AGPAT4: variants seen among roughly 807,000 people sequenced by gnomAD.
AGPAT4 encodes 1-acylglycerol-3-phosphate O-acyltransferase 4, also known as 1-acyl-sn-glycerol-3-phosphate acyltransferase delta.
Under a neutral mutation model 48.0 loss-of-function variants are expected in AGPAT4, and 15 were observed. The observed-to-expected ratio is 0.31, with a 90% confidence interval of 0.21 to 0.48. AGPAT4 has a LOEUF of 0.48. Ranked by LOEUF, AGPAT4 falls within the 20% of genes least tolerant of loss-of-function variation. The pLI, the probability that AGPAT4 is intolerant of heterozygous loss-of-function variation, is 0.99. For missense variants in AGPAT4, 314 were observed against 482.5 expected (o/e 0.65, Z 3.27); for synonymous variants, 178 against 198.7 (o/e 0.90, Z 0.88).
Position 161,232,671 on chromosome 6 carries a change from C to A in AGPAT4, c.-89-369G>T, listed in dbSNP as rs1386957419. Reference sequence around the variant, plus strand: ...GAGTGACGGCTGCCCACAGGACAGGCCGCAAATCCGGCCTCCCCTCCTGCT... The same window carrying A: ...GAGTGACGGCTGCCCACAGGACAGGACGCAAATCCGGCCTCCCCTCCTGCT... On this transcript the variant is annotated intron_variant, in intron 1 of 8. Coordinates refer to ENST00000320285, the MANE Select transcript of AGPAT4 (RefSeq NM_020133.3). This position sits in a 1 kb window ranked among gnomAD's most constrained non-coding sequence, Gnocchi z 6.8. Among the ~76,000 whole-genome samples, 3 of 152,186 alleles carry A rather than the reference C, an allele frequency of 2.0e-5. No homozygotes were observed. The highest frequency in any genetic ancestry group is 4.4e-5 in the Non-Finnish European group (3 of 68,014).
At chr6:161,248,594 A>AAAAAC (rs59741511) in intron 1 of AGPAT4, among the ~76,000 whole-genome samples, 9 of 138,612 alleles carry the variant, frequency 6.5e-5, no homozygotes, top group African/African-American at 2.3e-4. Flanking sequence ...AAAAAAAAAA[A>AAAAAC]CTAGGAATAC....
rs761291733 is a variant in AGPAT4 at position 161,139,636 on chromosome 6, G to C, written c.844-16C>G. The C allele has an allele frequency of 6.9e-6, 11 of 1,587,088 alleles. No individual in the cohort carries two copies. The highest frequency in any genetic ancestry group is 9.5e-6 in the Non-Finnish European group (11 of 1,161,838). ...GAAAGGCATCCTGGGGGACAGGAAA[G>C]AGGACCCTCAGACGCCACACGGGGC... On this transcript the variant is annotated splice_polypyrimidine_tract_variant and intron_variant, in intron 7 of 8. Transcript: ENST00000320285. This position sits in a 1 kb window ranked among gnomAD's most constrained non-coding sequence, Gnocchi z 9.1.
chr6:161,146,672 C>T lies in AGPAT4; in HGVS notation c.768-73G>A. ...CAACATACAGTTTCCAGTAACGGTG[C>T]TGCCGTTTTTTGTTTTTATCTGGGT... On this transcript the variant is annotated intron_variant, in intron 6 of 8. Coordinates refer to ENST00000320285, the MANE Select transcript of AGPAT4 (RefSeq NM_020133.3). This position sits in a 1 kb window ranked among gnomAD's most constrained non-coding sequence, Gnocchi z 7.1. 1 of 1,463,566 alleles carries T rather than the reference C, an allele frequency of 6.8e-7. No individual in the cohort carries two copies. The highest frequency in any genetic ancestry group is 9.5e-7 in the Non-Finnish European group (1 of 1,049,494). The allele number at this position is 1,463,566 out of a possible 1,614,324, so 90.7% of individuals were successfully genotyped here.
At position 161,140,671 on chromosome 6, in the gene AGPAT4, G is replaced by A. The variant is rs1039915126; in HGVS notation, c.844-1051C>T. On this transcript the variant is annotated intron_variant, in intron 7 of 8. Coordinates refer to ENST00000320285, the MANE Select transcript of AGPAT4 (RefSeq NM_020133.3). The surrounding 1 kb of genome is among the most constrained non-coding windows in gnomAD (Gnocchi z 6.5). Reference sequence around the variant, plus strand: ...GAGCTGAGCTGAGCCAGGACCTGGGGGGAACAAGGAGCTGTGGCACCAGGA... The same window carrying A: ...GAGCTGAGCTGAGCCAGGACCTGGGAGGAACAAGGAGCTGTGGCACCAGGA... Among the ~76,000 whole-genome samples, 3 of 152,326 alleles carry A rather than the reference G, an allele frequency of 2.0e-5. No individual in the cohort carries two copies. In the East Asian group the frequency reaches 5.8e-4, roughly 29 times the overall value.
rs1241061748 is a variant in AGPAT4, at chr6:161,140,787, C to G, written c.844-1167G>C. 6.6e-6 allele frequency among the ~76,000 whole-genome samples: 1 copy of G among 152,202 alleles called. No individual in the cohort carries two copies. Among genetic ancestry groups the G allele is most frequent in the African/African-American group, 2.4e-5 (1 of 41,450 alleles). On this transcript the variant is annotated intron_variant, in intron 7 of 8. Transcript: ENST00000320285. This position sits in a 1 kb window ranked among gnomAD's most constrained non-coding sequence, Gnocchi z 6.5. ...AGGGAGCAGAGCTGAACCAGGCAGCCACAGGGAATTGCCCAGGTTGTATGG... is the reference window on the plus strand; with the variant it reads ...AGGGAGCAGAGCTGAACCAGGCAGCGACAGGGAATTGCCCAGGTTGTATGG...
In AGPAT4 at chr6:161,135,379, T is replaced by A. The variant is rs56073227; in HGVS notation, c.*1161A>T. The A allele has an allele frequency of 0.15, 23,469 of 152,288 alleles. 2,354 individuals are homozygous for A. Among genetic ancestry groups the A allele is most frequent in the Admixed American group, 0.3 (4,518 of 15,292 alleles). The allele number at this position is 152,288 out of a possible 1,614,324, so 9.4% of individuals were successfully genotyped here. A position where few individuals can be genotyped will look rare whatever the true frequency, so the allele number is the denominator to read the frequency against. On this transcript the variant is annotated 3_prime_UTR_variant, in exon 9 of 9. Coordinates refer to ENST00000320285, the MANE Select transcript of AGPAT4 (RefSeq NM_020133.3). ...AGCACTGCTTTTAGTTTCTTCTTCT[T>A]TTGCATTTTTGGCACCTGTTGGCTG...
Position 161,222,881 on chromosome 6 carries a change from G to A in AGPAT4, c.178+9155C>T, listed in dbSNP as rs1041207726. 1.3e-5 allele frequency among the ~76,000 whole-genome samples: 2 copies of A among 152,082 alleles called. No homozygotes were observed. The highest frequency in any genetic ancestry group is 2.4e-5 in the African/African-American group (1 of 41,402). ...GACATTTGATAGGTCCATCTCCTTC[G>A]GGTGCCTGGCTGCCTGAATAAACCC... On this transcript the variant is annotated intron_variant, in intron 2 of 8. Coordinates refer to ENST00000320285, the MANE Select transcript of AGPAT4 (RefSeq NM_020133.3). This position sits in a 1 kb window ranked among gnomAD's most constrained non-coding sequence, Gnocchi z 5.9.
At chr6:161,241,093 T>C (rs1049717807) in intron 1 of AGPAT4, among the ~76,000 whole-genome samples, 1 of 151,628 alleles carries the variant, frequency 6.6e-6, no homozygotes, top group Non-Finnish European at 1.5e-5. Flanking sequence ...GAAACCCCCA[T>C]CTCTACTAAA....
chr6:161,167,461 C>A (rs1780135937), intron 2 of AGPAT4, among the ~76,000 whole-genome samples: 1 of 152,106 alleles, frequency 6.6e-6, no homozygotes, highest in Non-Finnish European at 1.5e-5. Context: ...TGGGTTCAAG[C>A]AATCCTCCTA....
chr6:161,272,000 A>G (rs1257984334), intron 1 of AGPAT4, among the ~76,000 whole-genome samples: 1 of 152,166 alleles, frequency 6.6e-6, no homozygotes, highest in Non-Finnish European at 1.5e-5. Context: ...TTTCAAAATG[A>G]GTGTCATATT....
At position 161,238,444 on chromosome 6, in the gene AGPAT4, A is replaced by C. The variant is rs1218311521; in HGVS notation, c.-89-6142T>G. On this transcript the variant is annotated intron_variant, in intron 1 of 8. Coordinates refer to ENST00000320285, the MANE Select transcript of AGPAT4 (RefSeq NM_020133.3). The surrounding 1 kb of genome is among the most constrained non-coding windows in gnomAD (Gnocchi z 5.2). ...AAGCCAATGAGATGGTCGTCAACTC[A>C]GTTTTCCTTCTCTACCTATCTAGAT... Among the ~76,000 whole-genome samples, 1 of 152,220 alleles carries C rather than the reference A, an allele frequency of 6.6e-6. No homozygotes were observed. Among genetic ancestry groups the C allele is most frequent in the Admixed American group, 6.5e-5 (1 of 15,284 alleles).
rs2115019318 is a variant in AGPAT4 at position 161,212,205 on chromosome 6, T to C, written c.178+19831A>G. Among the ~76,000 whole-genome samples the C allele has an allele frequency of 6.6e-6, 1 of 152,292 alleles. No individual in the cohort carries two copies. The highest frequency in any genetic ancestry group is 1.5e-5 in the Non-Finnish European group (1 of 68,004). Reference sequence around the variant, plus strand: ...AAAATTTTATAGATTGTTTACAAAATTTTGAAAAACAAATTTAAATGACTT... The same window carrying C: ...AAAATTTTATAGATTGTTTACAAAACTTTGAAAAACAAATTTAAATGACTT... On this transcript the variant is annotated intron_variant, in intron 2 of 8. Coordinates refer to ENST00000320285, the MANE Select transcript of AGPAT4 (RefSeq NM_020133.3). The surrounding 1 kb of genome is among the most constrained non-coding windows in gnomAD (Gnocchi z 6.1).
chr6:161,158,897 TCAGGGGCTGAGG>T lies in AGPAT4; in HGVS notation c.349-4599_349-4588del, dbSNP rs1333343209. Among the ~76,000 whole-genome samples the T allele has an allele frequency of 3.3e-5, 5 of 152,226 alleles. No individual in the cohort carries two copies. The highest frequency in any genetic ancestry group is 7.4e-5 in the Non-Finnish European group (5 of 67,996). On this transcript the variant is annotated intron_variant, in intron 3 of 8. Transcript: ENST00000320285. This position sits in a 1 kb window ranked among gnomAD's most constrained non-coding sequence, Gnocchi z 5.3. Reference sequence around the variant, plus strand: ...CCCACTAACACCAGCAAGGAACCCCTCAGGGGCTGAGGCTCTATGGCCAGCTTTGTTTGCAAA... The same window carrying T: ...CCCACTAACACCAGCAAGGAACCCCTCTCTATGGCCAGCTTTGTTTGCAAA...
In AGPAT4 at chr6:161,232,161, CAGA is replaced by C; in HGVS notation, c.50_52del (p.Phe17del). On this transcript the variant is annotated inframe_deletion, in exon 2 of 9. Coordinates refer to ENST00000320285, the MANE Select transcript of AGPAT4 (RefSeq NM_020133.3). The surrounding 1 kb of genome is among the most constrained non-coding windows in gnomAD (Gnocchi z 6.8). ...TAGCCCTGAGGCAATAAAGACGTAG[CAGA>C]AGACCAGGTGGCACAGGAACTGAGA... 6.8e-6 allele frequency: 11 copies of C among 1,614,124 alleles called. No individual in the cohort carries two copies. The highest frequency in any genetic ancestry group is 9.3e-6 in the Non-Finnish European group (11 of 1,180,036).
At chr6:161,239,615 T>TG (rs781086411) in intron 1 of AGPAT4, among the ~76,000 whole-genome samples, 4 of 152,338 alleles carry the variant, frequency 2.6e-5, no homozygotes, top group Non-Finnish European at 5.9e-5. Context: ...TCCTGCCCAC[T>TG]TTAGCATTGT....
chr6:161,260,859 G>A (rs535093516), intron 1 of AGPAT4, among the ~76,000 whole-genome samples: 56 of 151,872 alleles, frequency 3.7e-4, no homozygotes, highest in Non-Finnish European at 7.2e-4. Context: ...ACTGCATTCC[G>A]GCCTGGGTGA....
intron 3 of AGPAT4, among the ~76,000 whole-genome samples, chr6:161,162,915 TG>T (rs975708207): frequency 6.6e-6 from 1 of 152,184 alleles, no homozygotes; most frequent in African/African-American, 2.4e-5. Flanking sequence ...CACCACGGTT[TG>T]TTGGGCACCT....
chr6:161,249,069 G>T lies in AGPAT4; in HGVS notation c.-89-16767C>A, dbSNP rs761236358. Among the ~76,000 whole-genome samples, 9 of 152,152 alleles carry T rather than the reference G, an allele frequency of 5.9e-5. No individual in the cohort carries two copies. The highest frequency in any genetic ancestry group is 1.4e-4 in the African/African-American group (6 of 41,434). On this transcript the variant is annotated intron_variant, in intron 1 of 8. Coordinates refer to ENST00000320285, the MANE Select transcript of AGPAT4 (RefSeq NM_020133.3). The surrounding 1 kb of genome is among the most constrained non-coding windows in gnomAD (Gnocchi z 6.2). The stretch of plus-strand genomic sequence containing the variant: ...TGACAAAAACAAGCAATGGGGAAAG[G>T]ACTCCCTATTCAATAAACAGTGCTG...
At chr6:161,168,286 C>G (rs562079472) in intron 2 of AGPAT4, among the ~76,000 whole-genome samples, 1 of 152,168 alleles carries the variant, frequency 6.6e-6, no homozygotes, top group African/African-American at 2.4e-5. Flanking sequence ...CCATTACTGG[C>G]CAAAGGCCAC....
Sources: allele counts gnomAD v4.1 joint callset (sites outside exome capture counted in the v4.1 genomes callset), GRCh38; gene constraint gnomAD v4.1.1; non-coding constraint Gnocchi (gnomAD v3.1); transcripts MANE v1.5; gene names NCBI Gene and HGNC (gene_info 2026-07-23, HGNC 2026-07-21).